Variants in ZFHX3 observed in about 807,000 individuals in gnomAD.
ZFHX3 encodes the protein zinc finger homeobox 3, also known as zinc finger homeobox protein 3.
In ZFHX3, 42 loss-of-function variants were observed where a neutral mutation model predicts 279.1. The ratio of observed to expected loss-of-function variants is 0.15; its 90% CI spans 0.12 to 0.19. ZFHX3 has a LOEUF of 0.19. ZFHX3 is among the 10% of genes least tolerant of loss of function. The probability of loss-of-function intolerance (pLI) is 1.00; values close to 1 mark genes in which losing one functional copy is unlikely to be tolerated. For synonymous variants in ZFHX3, 2,293 were observed against 1,957.8 expected, an observed-to-expected ratio of 1.17 and a Z score of -4.52; for missense variants, 4,981 against 4,754.0, an observed-to-expected ratio of 1.05 and a Z score of -1.40.
intron 3 of ZFHX3, among the ~76,000 whole-genome samples, chr16:73,371,606 C>T (rs745352543): frequency 6.6e-6 from 1 of 151,980 alleles, no homozygotes; most frequent in Non-Finnish European, 1.5e-5. Flanking sequence ...ACTGGTGCAC[C>T]GGGTGTACCC....
At chr16:73,573,316 C>G (rs1223043761) in intron 2 of ZFHX3, among the ~76,000 whole-genome samples, 1 of 152,176 alleles carries the variant, frequency 6.6e-6, no homozygotes, top group Non-Finnish European at 1.5e-5. Context: ...GCAAGTTAAC[C>G]TGAGGAGGAC....
chr16:73,179,822 G>A (rs1474967783), intron 5 of ZFHX3, among the ~76,000 whole-genome samples: 3 of 152,086 alleles, frequency 2.0e-5, no homozygotes, highest in African/African-American at 7.2e-5. Flanking sequence ...ATGGGGTTGC[G>A]CCGTGACTGG....
intron 4 of ZFHX3, among the ~76,000 whole-genome samples, chr16:73,300,735 C>T (rs1350722683): frequency 6.6e-6 from 1 of 152,174 alleles, no homozygotes; most frequent in African/African-American, 2.4e-5. Flanking sequence ...AACTCCTGAC[C>T]TCAAGCGATC....
intron 1 of ZFHX3, among the ~76,000 whole-genome samples, chr16:72,993,878 C>T (rs2144577587): frequency 1.3e-5 from 2 of 152,308 alleles, no homozygotes; most frequent in Non-Finnish European, 2.9e-5. Flanking sequence ...TCCCCCAATG[C>T]ATTCGGGGCT....
chr16:72,873,263 C>A (rs1356446806), intron 4 of ZFHX3, among the ~76,000 whole-genome samples: 1 of 152,174 alleles, frequency 6.6e-6, no homozygotes, highest in African/African-American at 2.4e-5. Context: ...TAAACAGCTG[C>A]AAAGCTCAAC....
intron 1 of ZFHX3, among the ~76,000 whole-genome samples, chr16:73,045,806 G>T (rs992904962): frequency 2.1e-5 from 2 of 95,564 alleles, no homozygotes; most frequent in East Asian, 4.8e-4. Context: ...AAAAAAAAGT[G>T]GGGGGGGGTT....
At chr16:73,851,210 T>C (rs1186463516) in intron 1 of ZFHX3, among the ~76,000 whole-genome samples, 3 of 152,056 alleles carry the variant, frequency 2.0e-5, no homozygotes, top group Non-Finnish European at 4.4e-5. Context: ...ACATGGTACC[T>C]AGGTAACAAA....
At chr16:73,291,775 G>A (rs924809063) in intron 4 of ZFHX3, among the ~76,000 whole-genome samples, 1 of 152,200 alleles carries the variant, frequency 6.6e-6, no homozygotes, top group Non-Finnish European at 1.5e-5. Context: ...CTTTTGAGAA[G>A]ATGCTTTTGA....
At chr16:73,118,088 T>C (rs1412624860) in intron 7 of ZFHX3, among the ~76,000 whole-genome samples, 3 of 152,236 alleles carry the variant, frequency 2.0e-5, no homozygotes, top group Admixed American at 2.0e-4. Context: ...AGAATGCATG[T>C]TCCCATTGCC....
At chr16:73,558,911 C>T (rs1342521222) in intron 2 of ZFHX3, among the ~76,000 whole-genome samples, 1 of 151,474 alleles carries the variant, frequency 6.6e-6, no homozygotes, top group Non-Finnish European at 1.5e-5. Context: ...GACAGGGTTT[C>T]ACCATGGTGG....
At chr16:73,227,646 C>A (rs1475970422) in intron 5 of ZFHX3, among the ~76,000 whole-genome samples, 1 of 151,734 alleles carries the variant, frequency 6.6e-6, no homozygotes, top group East Asian at 1.9e-4. Context: ...CTCACGAGCC[C>A]GAGACCAGCC....
intron 2 of ZFHX3, among the ~76,000 whole-genome samples, chr16:73,507,769 G>A (rs2019354022): frequency 1.3e-5 from 2 of 152,024 alleles, no homozygotes; most frequent in Admixed American, 6.6e-5. Flanking sequence ...CCAAAGTGCT[G>A]GGATTACAGG....
At chr16:73,715,639 C>A (rs2053407397) in intron 1 of ZFHX3, among the ~76,000 whole-genome samples, 1 of 130,688 alleles carries the variant, frequency 7.7e-6, no homozygotes, top group African/African-American at 2.9e-5. Flanking sequence ...ATGGTGCGAT[C>A]TCGGCTCTCT....
At chr16:73,442,130 G>C (rs2018105127) in intron 3 of ZFHX3, among the ~76,000 whole-genome samples, 1 of 152,112 alleles carries the variant, frequency 6.6e-6, no homozygotes, top group Non-Finnish European at 1.5e-5. Flanking sequence ...CAGAATGAAA[G>C]AAATGTTAGG....
chr16:72,924,287 C>A (rs1218212117), intron 3 of ZFHX3, among the ~76,000 whole-genome samples: 1 of 152,202 alleles, frequency 6.6e-6, no homozygotes, highest in Admixed American at 6.5e-5. Context: ...TTAAACAGGG[C>A]AGCTCTGGGG....
chr16:72,934,918 T>C (rs1038849386), intron 3 of ZFHX3, among the ~76,000 whole-genome samples: 15 of 152,168 alleles, frequency 9.9e-5, no homozygotes, highest in Admixed American at 3.3e-4. Context: ...ATCAGGATCA[T>C]GTCAGGGGAT....
At chr16:73,306,862 C>A (rs1176034583) in intron 4 of ZFHX3, among the ~76,000 whole-genome samples, 1 of 152,236 alleles carries the variant, frequency 6.6e-6, no homozygotes, top group Non-Finnish European at 1.5e-5. Context: ...TTCTAGCCTC[C>A]TGGGGCAGTG....
chr16:73,087,986 G>A (rs112569308), intron 8 of ZFHX3, among the ~76,000 whole-genome samples: 101 of 151,982 alleles, frequency 6.6e-4, no homozygotes, highest in Non-Finnish European at 1.0e-3. Flanking sequence ...CCACCACCAC[G>A]CCTGGCTGAT....
chr16:73,258,338 C>CATATATATATATATAT (rs59013847), intron 4 of ZFHX3, among the ~76,000 whole-genome samples: 24 of 124,948 alleles, frequency 1.9e-4, no homozygotes, highest in African/African-American at 6.0e-4. Flanking sequence ...TTTGCTATGA[C>CATATATATATATATAT]ATATATATAT....
Sources: gnomAD v4.1 joint callset for allele counts (sites outside exome capture counted in the v4.1 genomes callset) on GRCh38, gnomAD v4.1.1 for gene constraint, MANE v1.5 for transcripts, NCBI Gene and HGNC (gene_info 2026-07-23, HGNC 2026-07-21) for gene names.